The following SNX7 variants were observed in gnomAD, a reference collection of about 807,000 sequenced individuals.
The protein encoded by SNX7 is sorting nexin-7.
In SNX7, 35 loss-of-function variants were observed where a neutral mutation model predicts 48.4. That is an observed-to-expected ratio of 0.72 (90% confidence interval 0.55 to 0.96). The LOEUF is 0.96. SNX7 is among the 40% of genes least tolerant of loss of function. The pLI, the probability that SNX7 is intolerant of heterozygous loss-of-function variation, is 0.00. For synonymous variants in SNX7, 190 were observed against 190.2 expected (o/e 1.00, Z 0.01); for missense variants, 553 against 548.9 (o/e 1.01, Z -0.07).
chr1:98,689,763 C>T (rs1651011336), intron 2 of SNX7, among the ~76,000 whole-genome samples: 1 of 152,128 alleles, frequency 6.6e-6, no homozygotes, highest in South Asian at 2.1e-4. Context: ...TGTGTGCATG[C>T]ATCTATTTGC....
chr1:98,679,600 G>A (rs1382273797), intron 1 of SNX7, among the ~76,000 whole-genome samples: 1 of 152,158 alleles, frequency 6.6e-6, no homozygotes, highest in East Asian at 1.9e-4. Context: ...GATACAATGG[G>A]GGTACAGACA....
intron 1 of SNX7, among the ~76,000 whole-genome samples, chr1:98,673,697 G>A (rs1276034094): frequency 6.6e-6 from 1 of 152,190 alleles, no homozygotes; most frequent in East Asian, 1.9e-4. Context: ...GATGGTGAGG[G>A]TGGTTGAGTC....
At chr1:98,669,671 G>A (rs1370400743) in intron 1 of SNX7, among the ~76,000 whole-genome samples, 2 of 152,156 alleles carry the variant, frequency 1.3e-5, no homozygotes, top group African/African-American at 4.8e-5. Flanking sequence ...GATCTAGGTT[G>A]GTCCACTTGC....
At chr1:98,693,459 AG>A (rs1651258681) in intron 4 of SNX7, among the ~76,000 whole-genome samples, 1 of 152,252 alleles carries the variant, frequency 6.6e-6, no homozygotes. Context: ...CTTGACAGAT[AG>A]TCCTCTATGG....
chr1:98,680,500 C>A (rs923624026), intron 1 of SNX7, among the ~76,000 whole-genome samples: 2 of 152,176 alleles, frequency 1.3e-5, no homozygotes, highest in African/African-American at 4.8e-5. Flanking sequence ...ATGGGATTTT[C>A]TTTTCTATCA....
intron 7 of SNX7, among the ~76,000 whole-genome samples, chr1:98,706,992 G>T (rs965001047): frequency 6.6e-6 from 1 of 152,122 alleles, no homozygotes; most frequent in African/African-American, 2.4e-5. Context: ...AAATTCATAG[G>T]TTCAGCTGAA....
intron 1 of SNX7, chr1:98,662,789 T>A (rs1166008769): frequency 5.4e-6 from 7 of 1,289,398 alleles, no homozygotes; most frequent in Non-Finnish European, 7.1e-6. Flanking sequence ...AGAAGCCTGT[T>A]CATTTTAACG....
chr1:98,727,942 A>C (rs1469662452), intron 7 of SNX7, among the ~76,000 whole-genome samples: 2 of 152,106 alleles, frequency 1.3e-5, no homozygotes, highest in East Asian at 3.9e-4. Context: ...GGGAGAATGG[A>C]ATCATGTTGG....
intron 4 of SNX7, among the ~76,000 whole-genome samples, chr1:98,692,934 A>T (rs939569380): frequency 4.6e-5 from 7 of 152,156 alleles, no homozygotes; most frequent in African/African-American, 1.7e-4. Flanking sequence ...TGGATTCATG[A>T]CATACCTTTC....
intron 1 of SNX7, among the ~76,000 whole-genome samples, chr1:98,672,052 A>G (rs1649897795): frequency 6.6e-6 from 1 of 152,178 alleles, no homozygotes; most frequent in East Asian, 1.9e-4. Context: ...ATTTGTTCTG[A>G]GAAAAATGTG....
chr1:98,692,196 C>T (rs986527304), intron 4 of SNX7, among the ~76,000 whole-genome samples: 1 of 152,000 alleles, frequency 6.6e-6, no homozygotes, highest in African/African-American at 2.4e-5. Flanking sequence ...AGTTGGTTAA[C>T]ACATATGTAT....
At chr1:98,753,357 A>G (rs1450003247) in intron 8 of SNX7, among the ~76,000 whole-genome samples, 2 of 152,108 alleles carry the variant, frequency 1.3e-5, no homozygotes, top group African/African-American at 4.8e-5. Context: ...TAATTTAGAA[A>G]GGAAGATGTT....
intron 8 of SNX7, among the ~76,000 whole-genome samples, chr1:98,757,099 A>G (rs2101063388): frequency 6.6e-6 from 1 of 152,216 alleles, no homozygotes; most frequent in African/African-American, 2.4e-5. Flanking sequence ...ACCTTCTGCC[A>G]TGATTGTAAA....
chr1:98,733,189 A>G (rs1375230449), intron 7 of SNX7, among the ~76,000 whole-genome samples: 1 of 149,506 alleles, frequency 6.7e-6, no homozygotes, highest in East Asian at 1.9e-4. Flanking sequence ...TGAATGTATT[A>G]CCACTGTTAA....
At chr1:98,755,336 A>G (rs1413149606) in intron 8 of SNX7, among the ~76,000 whole-genome samples, 1 of 152,104 alleles carries the variant, frequency 6.6e-6, no homozygotes, top group Non-Finnish European at 1.5e-5. Flanking sequence ...CAGATCTTAT[A>G]TATGAGTGCT....
intron 1 of SNX7, among the ~76,000 whole-genome samples, chr1:98,671,373 AAAG>A (rs1390710388): frequency 1.3e-5 from 2 of 152,200 alleles, no homozygotes; most frequent in Non-Finnish European, 2.9e-5. Flanking sequence ...ATTAATAAAA[AAAG>A]ACAATTAAAA....
At chr1:98,719,037 GA>G (rs1167373460) in intron 7 of SNX7, among the ~76,000 whole-genome samples, 1 of 152,078 alleles carries the variant, frequency 6.6e-6, no homozygotes, top group Non-Finnish European at 1.5e-5. Flanking sequence ...TAGATCTTTA[GA>G]ATACTTAGAA....
In SNX7 at chr1:98,723,158, A is replaced by C. The variant is rs558185960; in HGVS notation, c.1126-15079A>C. Among the ~76,000 whole-genome samples, 14 of 152,326 alleles carry C rather than the reference A, an allele frequency of 9.2e-5. No individual in the cohort carries two copies. The East Asian group carries it at 2.7e-3, about 29-fold the overall frequency. The stretch of plus-strand genomic sequence containing the variant: ...TGAATGGACTGAGATAGGAAATAGC[A>C]AAAAACAAAGACAAAAAACAAAAAG... On this transcript the variant is annotated intron_variant, in intron 7 of 8. Coordinates refer to ENST00000306121, the MANE Select transcript of SNX7 (RefSeq NM_015976.5).
intron 5 of SNX7, among the ~76,000 whole-genome samples, chr1:98,695,954 G>A (rs1032079947): frequency 1.3e-5 from 2 of 152,122 alleles, no homozygotes; most frequent in South Asian, 4.1e-4. Context: ...GATAATAGTG[G>A]TAAAGTAAGC....
Sources: allele counts gnomAD v4.1 joint callset (sites outside exome capture counted in the v4.1 genomes callset), GRCh38; gene constraint gnomAD v4.1.1; transcripts MANE v1.5; gene names NCBI Gene and HGNC (gene_info 2026-07-23, HGNC 2026-07-21).